The following SUPT3H variants were observed in gnomAD, a reference collection of about 807,000 sequenced individuals.
The protein encoded by SUPT3H is SPT3 homolog, SAGA and STAGA complex component.
In SUPT3H, 44 loss-of-function variants were observed where a neutral mutation model predicts 44.3. The ratio of observed to expected loss-of-function variants is 0.99; its 90% confidence interval spans 0.78 to 1.28. The LOEUF is 1.28. Among genes scored for constraint, SUPT3H ranks in the 50% most tolerant of loss-of-function variants. The probability of loss-of-function intolerance (pLI) is 0.00; values close to 1 mark genes in which losing one functional copy is unlikely to be tolerated. For missense variants in SUPT3H, 380 were observed against 387.1 expected, an observed-to-expected ratio of 0.98 and a Z score of 0.15; for synonymous variants, 124 against 125.6, an observed-to-expected ratio of 0.99 and a Z score of 0.09.
chr6:45,028,896 CAAAAAAAAAAAAAAA>C (rs57234806), intron 3 of SUPT3H, among the ~76,000 whole-genome samples: 1 of 71,052 alleles, frequency 1.4e-5, no homozygotes, highest in African/African-American at 6.3e-5. Flanking sequence ...AAACAGTTGC[CAAAAAAAAAAAAAAA>C]AAAAAAAAAA....
At chr6:44,974,904 G>A (rs928478877) in intron 6 of SUPT3H, among the ~76,000 whole-genome samples, 5 of 152,114 alleles carry the variant, frequency 3.3e-5, no homozygotes, top group Non-Finnish European at 7.4e-5. Flanking sequence ...CTGGCTCAAT[G>A]ATGTATTAAG....
At chr6:44,985,336 G>A (rs1173161689) in intron 6 of SUPT3H, among the ~76,000 whole-genome samples, 1 of 152,072 alleles carries the variant, frequency 6.6e-6, no homozygotes, top group African/African-American at 2.4e-5. Context: ...CAAGGATGCA[G>A]TGTGCTACGA....
rs540028617 is a variant in SUPT3H at position 45,024,712 on chromosome 6, G to C, written c.187-4080C>G. On this transcript the variant is annotated intron_variant, in intron 3 of 10. Transcript: ENST00000371459. ...GACATTTGGTCAAGCATTATTCCGG[G>C]AGTGACTATGAGGGTGTTTCTGGAT... 3.9e-5 allele frequency among the ~76,000 whole-genome samples: 6 copies of C among 152,270 alleles called. No homozygotes were observed. The East Asian group carries it at 1.2e-3, about 29-fold the overall frequency.
intron 10 of SUPT3H, among the ~76,000 whole-genome samples, chr6:44,889,655 A>G (rs1762953462): frequency 6.6e-6 from 1 of 152,224 alleles, no homozygotes; most frequent in Non-Finnish European, 1.5e-5. Flanking sequence ...AAACCATAAA[A>G]ACCCTAGAAG....
chr6:45,018,742 A>G (rs534144614), intron 4 of SUPT3H, among the ~76,000 whole-genome samples: 95 of 152,016 alleles, frequency 6.2e-4, no homozygotes, highest in Middle Eastern at 3.4e-3. Context: ...TGCTGGATTC[A>G]GTTTGCCAGT....
At chr6:44,887,888 G>A (rs1226400264) in intron 10 of SUPT3H, among the ~76,000 whole-genome samples, 2 of 151,794 alleles carry the variant, frequency 1.3e-5, no homozygotes, top group Non-Finnish European at 2.9e-5. Flanking sequence ...TAATAAAGAA[G>A]AAAAGAGAGA....
At chr6:45,039,256 A>G (rs1271350283) in intron 3 of SUPT3H, among the ~76,000 whole-genome samples, 1 of 152,208 alleles carries the variant, frequency 6.6e-6, no homozygotes, top group Admixed American at 6.5e-5. Flanking sequence ...AAAAGAATAA[A>G]TTACTATACT....
At chr6:45,031,333 T>C (rs1211673003) in intron 3 of SUPT3H, among the ~76,000 whole-genome samples, 1 of 152,170 alleles carries the variant, frequency 6.6e-6, no homozygotes, top group Non-Finnish European at 1.5e-5. Flanking sequence ...GTGTGATATT[T>C]TTATCCTTAA....
At chr6:44,893,375 C>A (rs911030560) in intron 10 of SUPT3H, among the ~76,000 whole-genome samples, 4 of 152,158 alleles carry the variant, frequency 2.6e-5, no homozygotes, top group Admixed American at 1.3e-4. Context: ...TATCCCTCCC[C>A]CCTGCCCCCA....
chr6:45,120,096 C>T (rs1043567617), intron 2 of SUPT3H, among the ~76,000 whole-genome samples: 6 of 151,612 alleles, frequency 4.0e-5, no homozygotes, highest in African/African-American at 1.5e-4. Flanking sequence ...ACTAAATTAC[C>T]CAAGTAACAT....
At chr6:44,818,206 T>C (rs1296681213) in intron 11 of SUPT3H, among the ~76,000 whole-genome samples, 1 of 152,100 alleles carries the variant, frequency 6.6e-6, no homozygotes, top group East Asian at 1.9e-4. Context: ...ACAGAAAGGA[T>C]AGTTTTCTCA....
chr6:45,260,518 A>G (rs566434150), intron 2 of SUPT3H, among the ~76,000 whole-genome samples: 61 of 152,182 alleles, frequency 4.0e-4, no homozygotes, highest in Non-Finnish European at 6.6e-4. Flanking sequence ...AATGATAATC[A>G]TAATAAATCA....
intron 3 of SUPT3H, among the ~76,000 whole-genome samples, chr6:45,100,388 T>TAGGCAAA (rs1798378650): frequency 6.6e-6 from 1 of 150,720 alleles, no homozygotes; most frequent in East Asian, 1.9e-4. Context: ...ATTAAAAAAA[T>TAGGCAAA]AGGCAAAAGA....
At chr6:45,226,652 G>A (rs1347876560) in intron 2 of SUPT3H, among the ~76,000 whole-genome samples, 1 of 152,084 alleles carries the variant, frequency 6.6e-6, no homozygotes, top group Non-Finnish European at 1.5e-5. Flanking sequence ...CAATTCTCCT[G>A]CCTTGAGTAG....
At chr6:45,178,998 TAAAAG>T (rs1017289325) in intron 2 of SUPT3H, among the ~76,000 whole-genome samples, 10 of 151,578 alleles carry the variant, frequency 6.6e-5, no homozygotes, top group African/African-American at 2.4e-4. Context: ...ACATCACAAT[TAAAAG>T]AGAGAAGAAT....
At chr6:44,815,666 T>G (rs1291647020) in intron 11 of SUPT3H, among the ~76,000 whole-genome samples, 1 of 151,950 alleles carries the variant, frequency 6.6e-6, no homozygotes, top group Non-Finnish European at 1.5e-5. Flanking sequence ...GAACAGAACT[T>G]CAAAATATAC....
At chr6:44,851,732 T>C (rs1472335961) in intron 10 of SUPT3H, among the ~76,000 whole-genome samples, 1 of 152,198 alleles carries the variant, frequency 6.6e-6, no homozygotes, top group Admixed American at 6.5e-5. Flanking sequence ...TAAAAATACA[T>C]AAATATCTAG....
intron 2 of SUPT3H, among the ~76,000 whole-genome samples, chr6:45,226,953 T>C (rs111452923): frequency 0.039 from 5,952 of 151,924 alleles, 137 homozygotes; most frequent in Non-Finnish European, 0.047. Flanking sequence ...GCTACGATCA[T>C]GCCACTGCAC....
At chr6:45,280,232 T>C (rs1777763593) in intron 2 of SUPT3H, among the ~76,000 whole-genome samples, 1 of 152,134 alleles carries the variant, frequency 6.6e-6, no homozygotes, top group Non-Finnish European at 1.5e-5. Flanking sequence ...CCAGGTGTCG[T>C]GGCTCACACC....
Sources: gnomAD v4.1 joint callset for allele counts (sites outside exome capture counted in the v4.1 genomes callset) on GRCh38, gnomAD v4.1.1 for gene constraint, MANE v1.5 for transcripts, NCBI Gene and HGNC (gene_info 2026-07-23, HGNC 2026-07-21) for gene names.